HUS1: variants seen among roughly 807,000 people sequenced by gnomAD.
The protein encoded by HUS1 is checkpoint protein HUS1.
HUS1 carries 31 observed loss-of-function variants against 32.6 expected under a neutral mutation model. That is an observed-to-expected ratio of 0.95 (90% CI 0.72 to 1.28). HUS1 has a LOEUF of 1.28. Among genes scored for constraint, HUS1 ranks in the 50% most tolerant of loss-of-function variants. The pLI is 0.00. For missense variants in HUS1, 340 were observed against 337.7 expected, an observed-to-expected ratio of 1.01 and a Z score of -0.05; for synonymous variants, 123 against 116.6, an observed-to-expected ratio of 1.06 and a Z score of -0.36.
At chr7:47,973,065 T>G (rs1440622551) in intron 5 of HUS1, among the ~76,000 whole-genome samples, 2 of 152,194 alleles carry the variant, frequency 1.3e-5, no homozygotes, top group South Asian at 2.1e-4. Flanking sequence ...AAAATGGCAG[T>G]TTTTCCTGTG....
At chr7:47,968,011 A>G in intron 6 of HUS1, 86 bp from the exon 7 acceptor site, 2 of 1,419,178 alleles carry the variant, frequency 1.4e-6, no homozygotes, top group Non-Finnish European at 1.9e-6. Context: ...ACTTAAATAA[A>G]TGATTCACTT....
intron 5 of HUS1, among the ~76,000 whole-genome samples, chr7:47,974,035 T>C (rs761977416): frequency 2.0e-5 from 3 of 152,192 alleles, no homozygotes; most frequent in African/African-American, 4.8e-5. Context: ...ATTTTATAGA[T>C]TAAGTTATGA....
At chr7:47,975,542 G>T in intron 5 of HUS1, 71 bp downstream of exon 5, 2 of 956,840 alleles carry the variant, frequency 2.1e-6, no homozygotes, top group South Asian at 1.3e-5. Flanking sequence ...GACTGCTGCA[G>T]GGTGAGCTGG....
At position 47,964,237 on chromosome 7, in the gene HUS1, G is replaced by A. The variant is rs1247433406; in HGVS notation, c.*1119C>T. The A allele has an allele frequency of 6.6e-6, 1 of 152,290 alleles. No homozygotes were observed. Among genetic ancestry groups the A allele is most frequent in the Admixed American group, 6.5e-5 (1 of 15,286 alleles). 9.4% of individuals were successfully genotyped at this position (152,290 alleles called of 1,614,324 possible). ...CTATGAAAAATTGAAAATTAGCTGG[G>A]TGTGGTGGTGCACACCAGTAGTCCC... On this transcript the variant is annotated 3_prime_UTR_variant, in exon 8 of 8. Transcript: ENST00000258774.
chr7:47,965,630 G>A (rs1433552216), intron 7 of HUS1, among the ~76,000 whole-genome samples, 192 bp from the exon 8 acceptor site: 3 of 152,160 alleles, frequency 2.0e-5, no homozygotes, highest in South Asian at 2.1e-4. Flanking sequence ...CAGCACTGGC[G>A]GCTCCCTGTG....
chr7:47,968,288 C>T (rs1266870249), intron 6 of HUS1, among the ~76,000 whole-genome samples: 1 of 150,382 alleles, frequency 6.6e-6, no homozygotes, highest in Non-Finnish European at 1.5e-5. Context: ...AAAAAGAAAA[C>T]ATCCTTTCTA....
chr7:47,972,368 T>G (rs747332677), intron 5 of HUS1, among the ~76,000 whole-genome samples: 1 of 152,242 alleles, frequency 6.6e-6, no homozygotes, highest in East Asian at 1.9e-4. Context: ...AGAATCTCAG[T>G]AACAGAACAT....
At chr7:47,979,270 C>A (rs1282453693) in intron 1 of HUS1, 198 bp downstream of exon 1, 9 of 608,790 alleles carry the variant, frequency 1.5e-5, no homozygotes, top group Non-Finnish European at 2.3e-5. Flanking sequence ...CCTTCATCCC[C>A]ACAAGTGCCC....
Position 47,975,693 on chromosome 7 carries a change from A to C in HUS1, c.466-6T>G. ...ACTGGTAAATAAATACTAACCTACA[A>C]AACCAATGAGAAAAAAGCACAAGTA... On this transcript the variant is annotated splice_region_variant and splice_polypyrimidine_tract_variant and intron_variant, in intron 4 of 7. Coordinates refer to ENST00000258774, the MANE Select transcript of HUS1 (RefSeq NM_004507.4). The C allele has an allele frequency of 6.5e-7, 1 of 1,548,364 alleles. No homozygotes were observed. The highest frequency in any genetic ancestry group is 8.9e-7 in the Non-Finnish European group (1 of 1,127,854).
rs1788510045 is a variant in HUS1, at chr7:47,967,794, AAG to A, written c.760+10_760+11del. ...AAAGAATATGAAAAACAAAACAGAG[AAG>A]CACACTCACTGCATAAGGCCTTTGT... On this transcript the variant is annotated intron_variant, in intron 7 of 7. Transcript: ENST00000258774. The A allele has an allele frequency of 5.0e-6, 8 of 1,609,818 alleles. No individual in the cohort carries two copies. Among genetic ancestry groups the A allele is most frequent in the Non-Finnish European group, 6.8e-6 (8 of 1,178,028 alleles).
At chr7:47,974,019 A>G (rs1385033854) in intron 5 of HUS1, among the ~76,000 whole-genome samples, 1 of 152,238 alleles carries the variant, frequency 6.6e-6, no homozygotes, top group Non-Finnish European at 1.5e-5. Flanking sequence ...GCTTCATGGA[A>G]AACAGATTTT....
intron 5 of HUS1, chr7:47,971,367 C>G: frequency 2.6e-6 from 1 of 388,724 alleles, no homozygotes; most frequent in Non-Finnish European, 5.2e-6. Context: ...TACCAGACTT[C>G]TGCCATCCCC....
chr7:47,975,317 C>G (rs937900435), intron 5 of HUS1, among the ~76,000 whole-genome samples: 31 of 61,022 alleles, frequency 5.1e-4, no homozygotes, highest in African/African-American at 1.6e-3. Context: ...GACTCTGTCT[C>G]AAAAAAAAAA....
chr7:47,965,846 G>A (rs3176603), intron 7 of HUS1, among the ~76,000 whole-genome samples: 1 of 152,138 alleles, frequency 6.6e-6, no homozygotes, highest in Non-Finnish European at 1.5e-5. Flanking sequence ...TGCTACATGG[G>A]ATGGATCCCT....
chr7:47,974,015 T>C (rs972565936), intron 5 of HUS1, among the ~76,000 whole-genome samples: 5 of 152,218 alleles, frequency 3.3e-5, no homozygotes, highest in African/African-American at 7.2e-5. Flanking sequence ...CACTGCTTCA[T>C]GGAAAACAGA....
Position 47,965,287 on chromosome 7 carries a change from C to A in HUS1, c.*69G>T, listed in dbSNP as rs1583711495. On this transcript the variant is annotated 3_prime_UTR_variant, in exon 8 of 8. Transcript: ENST00000258774. ...TGCTGTGAGGGCACAGACCAGTGAT[C>A]AGAACACAACACCTGCGGCCTCTCC... The A allele has an allele frequency of 1.0e-6, 1 of 988,434 alleles. No homozygotes were observed. Among genetic ancestry groups the A allele is most frequent in the South Asian group, 1.3e-5 (1 of 78,568 alleles). 61.2% of individuals were successfully genotyped at this position (988,434 alleles called of 1,614,324 possible).
At chr7:47,971,895 AAT>A (rs1434319778) in intron 5 of HUS1, among the ~76,000 whole-genome samples, 1 of 152,212 alleles carries the variant, frequency 6.6e-6, no homozygotes, top group Non-Finnish European at 1.5e-5. Flanking sequence ...GTGAACTCTG[AAT>A]AGTTTTCATT....
intron 4 of HUS1, 41 bp from the exon 5 acceptor site, chr7:47,975,728 T>C (rs1006317251): frequency 8.5e-7 from 1 of 1,178,984 alleles, no homozygotes; most frequent in Admixed American, 1.9e-5. Flanking sequence ...ATTAAAAATA[T>C]TAATATACTC....
At chr7:47,969,439 G>GAGC in intron 5 of HUS1, 121 bp from the exon 6 acceptor site, 1 of 637,400 alleles carries the variant, frequency 1.6e-6, no homozygotes, top group Non-Finnish European at 2.8e-6. Context: ...AAACACCTCA[G>GAGC]AGCACACTGA....
Sources: allele counts gnomAD v4.1 joint callset (sites outside exome capture counted in the v4.1 genomes callset), GRCh38; gene constraint gnomAD v4.1.1; transcripts MANE v1.5; gene names NCBI Gene and HGNC (gene_info 2026-07-23, HGNC 2026-07-21).